The following LRP2 variants were observed in gnomAD, a reference collection of about 807,000 sequenced individuals.
The protein encoded by LRP2 is low-density lipoprotein receptor-related protein 2.
LRP2 carries 172 observed loss-of-function variants against 531.0 expected under a neutral mutation model. The observed-to-expected ratio is 0.32, with a 90% CI of 0.29 to 0.37. The LOEUF (loss-of-function observed/expected upper bound fraction) is 0.37. LRP2 is among the 10% of genes least tolerant of loss of function. LRP2 has a pLI of 1.00. For synonymous variants in LRP2, 1,992 were observed against 2,027.6 expected, an observed-to-expected ratio of 0.98 and a Z score of 0.47; for missense variants, 5,167 against 5,868.3, an observed-to-expected ratio of 0.88 and a Z score of 3.90.
In LRP2 at chr2:169,174,055, G is replaced by A; in HGVS notation, c.10878C>T (p.Asp3626=). ...AGGTCCTGCTGGCACAGTGGGAACTGTCTTCATCTGAGTTATCCTCACAGT... is the reference window on the plus strand; with the variant it reads ...AGGTCCTGCTGGCACAGTGGGAACTATCTTCATCTGAGTTATCCTCACAGT... The part of the protein sequence containing the change: ...FNDCEDNSDE[D]SSHCASRTCR... The change falls in exon 56 of 79, where the codon GAC becomes GAT. Residue 3626 remains aspartate, a synonymous_variant. Transcript: ENST00000649046. The A allele has an allele frequency of 1.9e-6, 3 of 1,614,224 alleles. No individual in the cohort carries two copies. Among genetic ancestry groups the A allele is most frequent in the Non-Finnish European group, 2.5e-6 (3 of 1,180,042 alleles).
At chr2:169,205,910 T>G in intron 40 of LRP2, 113 bp downstream of exon 40, 1 of 1,374,936 alleles carries the variant, frequency 7.3e-7, no homozygotes, top group South Asian at 1.2e-5. Context: ...TTTGAATCTG[T>G]AGCCATAGTT....
intron 44 of LRP2, among the ~76,000 whole-genome samples, chr2:169,200,208 G>A (rs573344593): frequency 5.9e-5 from 9 of 152,232 alleles, no homozygotes; most frequent in South Asian, 2.1e-4. Context: ...CTGAGATCGC[G>A]TCACTGCACT....
rs144280150 is a variant in LRP2, at chr2:169,202,364, T to C, written c.8209+392A>G. Among the ~76,000 whole-genome samples, 344 of 152,296 alleles carry C rather than the reference T, an allele frequency of 2.3e-3. 4 individuals carry two copies. The highest frequency in any genetic ancestry group is 7.8e-3 in the African/African-American group (326 of 41,546). Reference sequence around the variant, plus strand: ...CTACGAAAATTGGTAAAATGATACGTTTCCTTAGTCCCAAGCTAAGCTAGA... The same window carrying C: ...CTACGAAAATTGGTAAAATGATACGCTTCCTTAGTCCCAAGCTAAGCTAGA... On this transcript the variant is annotated intron_variant, in intron 43 of 78. Coordinates refer to ENST00000649046, the MANE Select transcript of LRP2 (RefSeq NM_004525.3).
At position 169,235,947 on chromosome 2, in the gene LRP2, T is replaced by G; in HGVS notation, c.4813A>C (p.Ile1605Leu). The stretch of plus-strand genomic sequence containing the variant: ...TAGAGCAGTCTGTTGGGGTAGTCAA[T>G]AGTTAAGCCGCAGGGCCAGAAGATC... ...DKIFWPCGLT[I>L]DYPNRLLYFM... The change falls in exon 29 of 79, where the codon ATT (isoleucine) becomes CTT (leucine). Residue 1605 changes from isoleucine to leucine, a missense_variant. Ile to Leu is a conservative substitution (Grantham distance 5). Coordinates refer to ENST00000649046, the MANE Select transcript of LRP2 (RefSeq NM_004525.3). The G allele has an allele frequency of 6.2e-7, 1 of 1,614,094 alleles. No individual in the cohort carries two copies. Among genetic ancestry groups the G allele is most frequent in the South Asian group, 1.1e-5 (1 of 91,080 alleles).
chr2:169,236,065 C>T lies in LRP2; in HGVS notation c.4695G>A (p.Glu1565=). Residue 1565 remains glutamate (E), a synonymous_variant, in exon 29 of 79, where the codon GAG becomes GAA. Transcript: ENST00000649046. Reference sequence around the variant, plus strand: ...CCCAGTCAGACCAGAACAGTAGATGCTCACTGGGAAAGGAAATGAGTTACC... The same window carrying T: ...CCCAGTCAGACCAGAACAGTAGATGTTCACTGGGAAAGGAAATGAGTTACC... ...RGLALDPRMN[E]HLLFWSDWGH... is the part of the protein sequence containing the mutation. The T allele has an allele frequency of 1.9e-6, 3 of 1,612,318 alleles. No individual in the cohort carries two copies. Among genetic ancestry groups the T allele is most frequent in the Admixed American group, 3.3e-5 (2 of 59,886 alleles).
At chr2:169,303,579 C>G (rs1304104171) in intron 4 of LRP2, among the ~76,000 whole-genome samples, 1 of 152,148 alleles carries the variant, frequency 6.6e-6, no homozygotes, top group African/African-American at 2.4e-5. Flanking sequence ...GGACTTTGAT[C>G]GAGGCCATTC....
At chr2:169,349,218 A>C (rs1214819035) in intron 1 of LRP2, among the ~76,000 whole-genome samples, 1 of 152,202 alleles carries the variant, frequency 6.6e-6, no homozygotes, top group Non-Finnish European at 1.5e-5. Flanking sequence ...GGAGAAAGTA[A>C]ATCAGGAAAG....
At chr2:169,219,315 A>G (rs1189967611) in intron 34 of LRP2, among the ~76,000 whole-genome samples, 1 of 152,172 alleles carries the variant, frequency 6.6e-6, no homozygotes, top group East Asian at 1.9e-4. Flanking sequence ...TTAAGCCAAA[A>G]TCCACTTGGA....
chr2:169,311,186 G>C (rs1684587321), intron 3 of LRP2, among the ~76,000 whole-genome samples: 2 of 151,972 alleles, frequency 1.3e-5, no homozygotes, highest in African/African-American at 4.8e-5. Flanking sequence ...AGGGTTTTTT[G>C]TGTCTCCATC....
At chr2:169,175,657 TAAAC>T (rs1206559691) in intron 54 of LRP2, among the ~76,000 whole-genome samples, 1 of 151,220 alleles carries the variant, frequency 6.6e-6, no homozygotes, top group Non-Finnish European at 1.5e-5. Context: ...AAAAAAACAA[TAAAC>T]AAATAAAGAG....
At chr2:169,214,950 G>T (rs779962836) in intron 35 of LRP2, among the ~76,000 whole-genome samples, 2 of 152,166 alleles carry the variant, frequency 1.3e-5, no homozygotes, top group Non-Finnish European at 2.9e-5. Flanking sequence ...ATTAAACCAG[G>T]AGAGTGAAGG....
chr2:169,178,809 A>G (rs1479398672), intron 52 of LRP2, among the ~76,000 whole-genome samples: 4 of 152,166 alleles, frequency 2.6e-5, no homozygotes, highest in African/African-American at 4.8e-5. Flanking sequence ...AAACTCAAAC[A>G]GGAGATAGAA....
Position 169,206,442 on chromosome 2 carries a change from A to G in LRP2, c.7278T>C (p.Tyr2426=). 1.2e-6 allele frequency: 2 copies of G among 1,614,220 alleles called. No homozygotes were observed. The highest frequency in any genetic ancestry group is 2.2e-5 in the South Asian group (2 of 91,086). ...AGTAGATTCTATCACTTACACTGTC[A>G]TAGTCTAGAGACATGACAGTTCTTT... ...NVERTVMSLD[Y]DSVSDRIYFT... Residue 2426 remains tyrosine (Y), a synonymous_variant, in exon 39 of 79, where the codon TAT becomes TAC. Transcript: ENST00000649046.
Position 169,225,305 on chromosome 2 carries a change from A to T in LRP2, c.5538+5T>A. The T allele has an allele frequency of 6.2e-7, 1 of 1,613,578 alleles. No individual in the cohort carries two copies. Among genetic ancestry groups the T allele is most frequent in the Non-Finnish European group, 8.5e-7 (1 of 1,179,582 alleles). The stretch of plus-strand genomic sequence containing the variant: ...TTTGTGTAAGTAGTATTATGGAATC[A>T]TTACCTCGATTGACTGAGTTCTAGG... On this transcript the variant is annotated splice_donor_5th_base_variant and intron_variant, in intron 33 of 78. Coordinates refer to ENST00000649046, the MANE Select transcript of LRP2 (RefSeq NM_004525.3).
At position 169,138,708 on chromosome 2, in the gene LRP2, T is replaced by C; in HGVS notation, c.13389-2A>G. 6.2e-7 allele frequency: 1 copy of C among 1,613,926 alleles called. No individual in the cohort carries two copies. On this transcript the variant is annotated splice_acceptor_variant, in intron 74 of 78. Transcript: ENST00000649046. LOFTEE classifies it high-confidence loss of function. ...GAGGGCTTGACGAGACTGCTTAAGC[T>C]GGAAAGAAGTAACCAAAACAGTGTC...
At chr2:169,309,611 G>A (rs1430785232) in intron 3 of LRP2, among the ~76,000 whole-genome samples, 3 of 152,188 alleles carry the variant, frequency 2.0e-5, no homozygotes, top group South Asian at 2.1e-4. Context: ...GTACCATGCT[G>A]TTTTGGTTAC....
rs902063740 is a variant in LRP2 at position 169,152,230 on chromosome 2, C to T, written c.12461+569G>A. On this transcript the variant is annotated intron_variant, in intron 67 of 78. Coordinates refer to ENST00000649046, the MANE Select transcript of LRP2 (RefSeq NM_004525.3). ...TGGGCCACTAGAAGGTCTAGAAGAA[C>T]AGAAGAGACTGACACCTCTATTAAC... Among the ~76,000 whole-genome samples the T allele has an allele frequency of 4.6e-5, 7 of 152,304 alleles. No homozygotes were observed. In the East Asian group the frequency reaches 1.4e-3, roughly 29 times the overall value.
At chr2:169,135,762 A>G (rs369148216) in intron 76 of LRP2, among the ~76,000 whole-genome samples, 21 of 152,134 alleles carry the variant, frequency 1.4e-4, no homozygotes, top group Non-Finnish European at 2.9e-5. Context: ...CTTTTTATTA[A>G]GCCCCAGTCT....
At position 169,289,047 on chromosome 2, in the gene LRP2, T is replaced by C. The variant is rs756430132; in HGVS notation, c.1021A>G (p.Asn341Asp). ...FCPPGYIINH[N>D]DSRTCVEFDD... ...TTACCAACACAGGTACGGCTGTCAT[T>C]GTGGTTGATGATATAACCTGGGGGA... Residue 341 changes from asparagine to aspartate, a missense_variant, in exon 9 of 79, where the codon AAT (asparagine) becomes GAT (aspartate). By Grantham distance (23) the Asn-to-Asp change is conservative (BLOSUM62 1). Transcript: ENST00000649046. 3.1e-6 allele frequency: 5 copies of C among 1,614,082 alleles called. No individual in the cohort carries two copies. The highest frequency in any genetic ancestry group is 3.4e-6 in the Non-Finnish European group (4 of 1,179,978).
Sources: allele counts gnomAD v4.1 joint callset (sites outside exome capture counted in the v4.1 genomes callset), GRCh38; gene constraint gnomAD v4.1.1; transcripts MANE v1.5; gene names NCBI Gene and HGNC (gene_info 2026-07-23, HGNC 2026-07-21).